NIPAL1: variants seen among roughly 807,000 people sequenced by gnomAD.
NIPAL1 encodes the protein NIPA like domain containing 1.
NIPAL1 carries 35 observed loss-of-function variants against 37.7 expected under a neutral mutation model. The ratio of observed to expected loss-of-function variants is 0.93; its 90% confidence interval spans 0.71 to 1.23. The LOEUF (loss-of-function observed/expected upper bound fraction) is 1.23, where lower values mean the gene tolerates loss of function less well. NIPAL1 is among the 50% of genes most tolerant of loss of function. NIPAL1 has a pLI of 0.00. For missense variants in NIPAL1, 412 were observed against 473.9 expected, an observed-to-expected ratio of 0.87 and a Z score of 1.21; for synonymous variants, 162 against 183.0, an observed-to-expected ratio of 0.89 and a Z score of 0.93.
At chr4:48,031,356 C>T (rs544301773) in intron 3 of NIPAL1, among the ~76,000 whole-genome samples, 9 of 152,236 alleles carry the variant, frequency 5.9e-5, no homozygotes, top group East Asian at 5.8e-4. Context: ...CCACCACGCC[C>T]GGCCACCCCT....
Position 48,025,086 on chromosome 4 carries a change from T to C in NIPAL1, c.65T>C (p.Val22Ala). The C allele has an allele frequency of 6.2e-7, 1 of 1,614,022 alleles. No individual in the cohort carries two copies. Among genetic ancestry groups the C allele is most frequent in the East Asian group, 2.2e-5 (1 of 44,892 alleles). Reference sequence around the variant, plus strand: ...TTTCCAGGATATGTGCTGTCTCTGGTCTGTCCAAACTCCTCCCAGGCTTGG... The same window carrying C: ...TTTCCAGGATATGTGCTGTCTCTGGCCTGTCCAAACTCCTCCCAGGCTTGG... ...PCREGYVLSL[V>A]CPNSSQAWCE... The change falls in exon 2 of 6, where the codon GTC becomes GCC. Residue 22 changes from valine to alanine, a missense_variant. By Grantham distance (64) the Val-to-Ala change is moderately conservative (BLOSUM62 0). Transcript: ENST00000295461.
Position 48,025,097 on chromosome 4 carries a change from T to C in NIPAL1, c.76T>C (p.Ser26Pro). The C allele has an allele frequency of 1.2e-6, 2 of 1,614,018 alleles. No individual in the cohort carries two copies. The highest frequency in any genetic ancestry group is 1.7e-6 in the Non-Finnish European group (2 of 1,179,876). Residue 26 changes from serine (S) to proline (P), a missense_variant, in exon 2 of 6, where the codon TCC becomes CCC. Coordinates refer to ENST00000295461, the MANE Select transcript of NIPAL1 (RefSeq NM_207330.3). ...GYVLSLVCPN[S>P]SQAWCEITNV... ...TGTGCTGTCTCTGGTCTGTCCAAAC[T>C]CCTCCCAGGCTTGGTGTGAGATCAC...
rs67279375 is a variant in NIPAL1 at position 48,026,720 on chromosome 4, AT to A, written c.313+1402del. 1.7e-3 allele frequency among the ~76,000 whole-genome samples: 248 copies of A among 142,336 alleles called. 2 individuals carry two copies. Among genetic ancestry groups the A allele is most frequent in the African/African-American group, 3.4e-3 (135 of 39,438 alleles). The allele number at this position is 142,336 out of a possible 152,430, so 93.4% of individuals were successfully genotyped here. A position where few individuals can be genotyped will look rare whatever the true frequency, so the allele number is the denominator to read the frequency against. On this transcript the variant is annotated intron_variant, in intron 2 of 5. Transcript: ENST00000295461. Reference sequence around the variant, plus strand: ...GGTTAGAATTTAATTTAAAAATAAAATTTTTTTTTTTTTTTTCAGACGGGGC... The same window carrying A: ...GGTTAGAATTTAATTTAAAAATAAAATTTTTTTTTTTTTTTCAGACGGGGC...
At chr4:48,030,655 C>G (rs1026108950) in intron 3 of NIPAL1, among the ~76,000 whole-genome samples, 13 of 152,202 alleles carry the variant, frequency 8.5e-5, no homozygotes, top group African/African-American at 2.9e-4. Flanking sequence ...TGTCAGCACT[C>G]TCCTTCCTCC....
Position 48,036,464 on chromosome 4 carries a change from C to T in NIPAL1, c.*292C>T. 2 of 346,148 alleles carry T rather than the reference C, an allele frequency of 5.8e-6. No homozygotes were observed. The highest frequency in any genetic ancestry group is 1.0e-5 in the Non-Finnish European group (2 of 191,706). 21.4% of individuals were successfully genotyped at this position (346,148 alleles called of 1,614,324 possible). On this transcript the variant is annotated 3_prime_UTR_variant, in exon 6 of 6. Coordinates refer to ENST00000295461, the MANE Select transcript of NIPAL1 (RefSeq NM_207330.3). The stretch of plus-strand genomic sequence containing the variant: ...CTGGTCACAGTATCTTTGTCTCTGC[C>T]AGGTGGCTCTTCATTTCTTTGGTAG...
chr4:48,024,478 A>T (rs1031199561), intron 1 of NIPAL1, among the ~76,000 whole-genome samples: 1 of 151,904 alleles, frequency 6.6e-6, no homozygotes, highest in Non-Finnish European at 1.5e-5. Context: ...ATGGGGTTTC[A>T]CTATGTTGCC....
chr4:48,034,893 T>C lies in NIPAL1; in HGVS notation c.474T>C (p.Ser158=). 1.9e-6 allele frequency: 3 copies of C among 1,612,820 alleles called. No individual in the cohort carries two copies. The highest frequency in any genetic ancestry group is 1.7e-6 in the Non-Finnish European group (2 of 1,179,014). Residue 158 remains serine (S), a synonymous_variant, in exon 5 of 6, where the codon TCT becomes TCC. Transcript: ENST00000295461. The part of the protein sequence containing the change: ...ALSVLISAIL[S]SYFLNEHLNI... ...TCTCTCCCAACAGTGCAATATTATC[T>C]TCCTACTTTTTAAACGAGCACTTGA... is the stretch of plus-strand genomic sequence containing the variant.
In NIPAL1 at chr4:48,036,328, G is replaced by T. The variant is rs1387993452; in HGVS notation, c.*156G>T. 2 of 626,116 alleles carry T rather than the reference G, an allele frequency of 3.2e-6. No individual in the cohort carries two copies. Among genetic ancestry groups the T allele is most frequent in the East Asian group, 3.0e-5 (1 of 33,208 alleles). The allele number at this position is 626,116 out of a possible 1,614,324, so 38.8% of individuals were successfully genotyped here. On this transcript the variant is annotated 3_prime_UTR_variant, in exon 6 of 6. Coordinates refer to ENST00000295461, the MANE Select transcript of NIPAL1 (RefSeq NM_207330.3). ...TAAAAATGCCATTTTTTTGGCCATT[G>T]AATTTGAAAATCAAATTGATTATCC...
intron 3 of NIPAL1, among the ~76,000 whole-genome samples, chr4:48,032,091 T>C (rs912483900): frequency 6.6e-6 from 1 of 152,204 alleles, no homozygotes; most frequent in African/African-American, 2.4e-5. Flanking sequence ...GTTCTGTAAA[T>C]TTAGATTTGT....
intron 3 of NIPAL1, among the ~76,000 whole-genome samples, chr4:48,031,760 C>T (rs1474052827): frequency 1.3e-5 from 2 of 151,986 alleles, no homozygotes; most frequent in African/African-American, 2.4e-5. Flanking sequence ...TTTTTTTAGA[C>T]AGAGTCTCGC....
chr4:48,024,473 G>A (rs979188147), intron 1 of NIPAL1, among the ~76,000 whole-genome samples: 1 of 152,066 alleles, frequency 6.6e-6, no homozygotes, highest in South Asian at 2.1e-4. Flanking sequence ...TGTAGATGGG[G>A]TTTCACTATG....
chr4:48,035,505 G>T, intron 5 of NIPAL1, 57 bp from the exon 6 acceptor site: 1 of 1,511,566 alleles, frequency 6.6e-7, no homozygotes, highest in South Asian at 1.2e-5. Flanking sequence ...CAAGATTTCA[G>T]AAAGGTATAA....
intron 2 of NIPAL1, among the ~76,000 whole-genome samples, 161 bp downstream of exon 2, chr4:48,025,495 A>G (rs367710896): frequency 1.2e-4 from 18 of 152,360 alleles, no homozygotes; most frequent in African/African-American, 3.6e-4. Context: ...GATTAAAATG[A>G]ATAGAAAACT....
Position 48,035,950 on chromosome 4 carries a change from C to T in NIPAL1, c.1011C>T (p.Ile337=), listed in dbSNP as rs117900528. Residue 337 remains isoleucine, a synonymous_variant, in exon 6 of 6, where the codon ATC becomes ATT. Coordinates refer to ENST00000295461, the MANE Select transcript of NIPAL1 (RefSeq NM_207330.3). ...QEWYGMTAGD[I]IGTLSGFFTI... ...GGTATGGCATGACAGCTGGAGATAT[C>T]ATTGGGACCCTGAGTGGATTCTTCA... The T allele has an allele frequency of 4.1e-4, 664 of 1,613,956 alleles. 10 individuals carry two copies. The East Asian group carries it at 0.015, about 35-fold the overall frequency.
chr4:48,019,448 G>A (rs1715523055), intron 1 of NIPAL1, among the ~76,000 whole-genome samples: 2 of 152,228 alleles, frequency 1.3e-5, no homozygotes, highest in South Asian at 4.1e-4. Context: ...AAGTCTATTT[G>A]ATTGGGAACA....
intron 4 of NIPAL1, among the ~76,000 whole-genome samples, chr4:48,034,283 G>T (rs1227775370): frequency 6.6e-6 from 1 of 152,110 alleles, no homozygotes; most frequent in Non-Finnish European, 1.5e-5. Context: ...ACATAAATTT[G>T]TAAACTGTCT....
intron 1 of NIPAL1, among the ~76,000 whole-genome samples, chr4:48,018,300 T>A (rs999863623): frequency 5.9e-5 from 9 of 152,170 alleles, no homozygotes; most frequent in South Asian, 2.1e-4. Context: ...GTAAGGAAGG[T>A]ATATGAATTA....
chr4:48,017,904 A>G (rs1715478599), intron 1 of NIPAL1, among the ~76,000 whole-genome samples: 2 of 151,958 alleles, frequency 1.3e-5, no homozygotes, highest in South Asian at 4.2e-4. Flanking sequence ...ACACCTTTGC[A>G]AAGGTGCTCG....
chr4:48,028,318 G>A (rs140205824), intron 2 of NIPAL1, among the ~76,000 whole-genome samples: 427 of 151,970 alleles, frequency 2.8e-3, no homozygotes, highest in Middle Eastern at 0.014. Flanking sequence ...AATAATATAC[G>A]CTAGGGAACG....
Sources: allele counts gnomAD v4.1 joint callset (sites outside exome capture counted in the v4.1 genomes callset), GRCh38; gene constraint gnomAD v4.1.1; transcripts MANE v1.5; gene names NCBI Gene and HGNC (gene_info 2026-07-23, HGNC 2026-07-21).